The following AGMO variants were observed in gnomAD, a reference collection of about 807,000 sequenced individuals.
AGMO encodes the protein glyceryl-ether monooxygenase.
In AGMO, 75 loss-of-function variants were observed where a neutral mutation model predicts 60.2. The observed-to-expected ratio is 1.25, with a 90% CI of 1.03 to 1.51. The LOEUF (loss-of-function observed/expected upper bound fraction) is 1.51, where lower values mean the gene tolerates loss of function less well. Ranked by LOEUF, AGMO falls within the 40% of genes most tolerant of loss-of-function variation. The probability of loss-of-function intolerance (pLI) is 0.00; values close to 1 mark genes in which losing one functional copy is unlikely to be tolerated. For synonymous variants in AGMO, 261 were observed against 177.1 expected, an observed-to-expected ratio of 1.47 and a Z score of -3.76; for missense variants, 763 against 525.5, an observed-to-expected ratio of 1.45 and a Z score of -4.42.
the AGMO span, among the ~76,000 whole-genome samples, chr7:15,129,924 A>G: frequency 6.6e-6 from 1 of 152,110 alleles, no homozygotes; most frequent in African/African-American, 2.4e-5. Context: ...GATATTATCT[A>G]AGTGTATCAG....
chr7:15,377,624 T>A (rs887253838), intron 10 of AGMO, among the ~76,000 whole-genome samples: 2 of 152,034 alleles, frequency 1.3e-5, no homozygotes, highest in African/African-American at 2.4e-5. Flanking sequence ...TTAATACAAC[T>A]AAGAAAAATC....
chr7:15,381,924 G>A (rs538776789), intron 10 of AGMO, among the ~76,000 whole-genome samples: 1 of 152,208 alleles, frequency 6.6e-6, no homozygotes, highest in African/African-American at 2.4e-5. Context: ...CACAGGAACA[G>A]AAAACCAAAT....
the AGMO span, among the ~76,000 whole-genome samples, chr7:15,120,019 T>G: frequency 6.6e-6 from 1 of 151,686 alleles, no homozygotes; most frequent in South Asian, 2.1e-4. Context: ...TTTCCAACAA[T>G]TCACACCTTG....
intron 3 of AGMO, among the ~76,000 whole-genome samples, chr7:15,533,885 G>T (rs999425353): frequency 1.3e-5 from 2 of 151,952 alleles, no homozygotes; most frequent in African/African-American, 4.8e-5. Context: ...CACAGAGCTG[G>T]CATTAAAAAT....
intron 12 of AGMO, among the ~76,000 whole-genome samples, chr7:15,255,921 A>C (rs961626494): frequency 6.6e-6 from 1 of 152,240 alleles, no homozygotes; most frequent in African/African-American, 2.4e-5. Flanking sequence ...AAGTGTTTTT[A>C]ATGACTGATC....
At chr7:15,216,640 G>C (rs1781746326) in intron 12 of AGMO, among the ~76,000 whole-genome samples, 1 of 151,960 alleles carries the variant, frequency 6.6e-6, no homozygotes, top group South Asian at 2.1e-4. Context: ...AACTCATTTG[G>C]TCCAATTGCA....
At chr7:15,327,732 A>ATTTC (rs1201933234) in intron 12 of AGMO, among the ~76,000 whole-genome samples, 9 of 126,912 alleles carry the variant, frequency 7.1e-5, no homozygotes, top group South Asian at 2.5e-4. Flanking sequence ...TGATAAACTG[A>ATTTC]TTTCTTTCTT....
chr7:15,454,103 A>G (rs955362923), intron 3 of AGMO, among the ~76,000 whole-genome samples: 11 of 151,118 alleles, frequency 7.3e-5, no homozygotes, highest in African/African-American at 2.2e-4. Flanking sequence ...CCTTATCCTC[A>G]GCCACATACT....
At chr7:15,130,873 T>C in the AGMO span, among the ~76,000 whole-genome samples, 3 of 152,132 alleles carry the variant, frequency 2.0e-5, no homozygotes, top group Admixed American at 6.6e-5. Context: ...ATGCTTTTCA[T>C]TTTTTTCTTG....
intron 10 of AGMO, among the ~76,000 whole-genome samples, chr7:15,379,984 A>C (rs1034848294): frequency 6.6e-6 from 1 of 152,142 alleles, no homozygotes; most frequent in Non-Finnish European, 1.5e-5. Context: ...CATTTTCAAT[A>C]AACTAGGTAT....
chr7:15,262,190 A>C (rs1034155379), intron 12 of AGMO, among the ~76,000 whole-genome samples: 1 of 152,074 alleles, frequency 6.6e-6, no homozygotes, highest in Non-Finnish European at 1.5e-5. Context: ...AAGAAGTCAA[A>C]CTGTCACTGT....
At chr7:15,303,263 G>A (rs1191281170) in intron 12 of AGMO, among the ~76,000 whole-genome samples, 1 of 152,032 alleles carries the variant, frequency 6.6e-6, no homozygotes, top group African/African-American at 2.4e-5. Flanking sequence ...TTATAAAATA[G>A]TATCTATCCC....
At chr7:15,210,848 A>G (rs1034834221) in intron 12 of AGMO, among the ~76,000 whole-genome samples, 2 of 152,118 alleles carry the variant, frequency 1.3e-5, no homozygotes, top group East Asian at 3.8e-4. Flanking sequence ...TCAAATAAAA[A>G]TAAGTACTGA....
At chr7:15,382,466 C>G (rs767000889) in intron 10 of AGMO, among the ~76,000 whole-genome samples, 37 of 151,996 alleles carry the variant, frequency 2.4e-4, no homozygotes, top group Non-Finnish European at 4.4e-4. Flanking sequence ...GTGGGCATGT[C>G]CTGAAAAATG....
chr7:15,296,474 G>A (rs1013347544), intron 12 of AGMO, among the ~76,000 whole-genome samples: 9 of 152,094 alleles, frequency 5.9e-5, no homozygotes, highest in African/African-American at 1.7e-4. Flanking sequence ...GGACTGTACC[G>A]TCACAGCTAA....
chr7:15,283,389 A>C lies in AGMO; in HGVS notation c.1264-82030T>G, dbSNP rs567620678. ...AAACTCAAGATAAACAGCTGGAAAA[A>C]GATATTTGATGCAAATGGAAACCAA... is the stretch of plus-strand genomic sequence containing the variant. On this transcript the variant is annotated intron_variant, in intron 12 of 12. Transcript: ENST00000342526. Among the ~76,000 whole-genome samples the C allele has an allele frequency of 2.0e-5, 3 of 152,242 alleles. No individual in the cohort carries two copies. The South Asian group carries it at 6.2e-4, about 32-fold the overall frequency.
intron 3 of AGMO, among the ~76,000 whole-genome samples, chr7:15,478,149 T>C (rs1240735913): frequency 2.6e-5 from 4 of 152,158 alleles, no homozygotes; most frequent in Non-Finnish European, 5.9e-5. Context: ...TTAATACTTA[T>C]GAGTTAGATA....
rs560852442 is a variant in AGMO, at chr7:15,371,215, A to C, written c.1075-4993T>G. Among the ~76,000 whole-genome samples the C allele has an allele frequency of 9.9e-5, 15 of 152,256 alleles. No homozygotes were observed. The South Asian group carries it at 3.1e-3, about 32-fold the overall frequency. ...AATAATTTAATATTAAATATTTAAT[A>C]ACAATGTTTTATTTTATTTTTGAAA... On this transcript the variant is annotated intron_variant, in intron 10 of 12. Coordinates refer to ENST00000342526, the MANE Select transcript of AGMO (RefSeq NM_001004320.2).
At chr7:15,335,856 G>A (rs972269766) in intron 12 of AGMO, among the ~76,000 whole-genome samples, 7 of 152,116 alleles carry the variant, frequency 4.6e-5, no homozygotes, top group African/African-American at 1.7e-4. Context: ...AAATCTAAAT[G>A]TAGTCTTCGT....
Sources: gnomAD v4.1 joint callset for allele counts (sites outside exome capture counted in the v4.1 genomes callset) on GRCh38, gnomAD v4.1.1 for gene constraint, MANE v1.5 for transcripts, NCBI Gene and HGNC (gene_info 2026-07-23, HGNC 2026-07-21) for gene names.